Variants in CEP97 observed in about 807,000 individuals in gnomAD.
CEP97 encodes the protein centrosomal protein of 97 kDa.
CEP97 carries 43 observed loss-of-function variants against 73.1 expected under a neutral mutation model. That is an observed-to-expected ratio of 0.59 (90% CI 0.46 to 0.76). The LOEUF is 0.76. CEP97 is among the 30% of genes least tolerant of loss of function. The probability of loss-of-function intolerance (pLI) is 0.00; values close to 1 mark genes in which losing one functional copy is unlikely to be tolerated. For missense variants in CEP97, 939 were observed against 1,014.0 expected (o/e 0.93, Z 1.00); for synonymous variants, 337 against 370.0 (o/e 0.91, Z 1.02).
At chr3:101,756,737 GC>G (rs989684615) in intron 7 of CEP97, among the ~76,000 whole-genome samples, 27 of 152,024 alleles carry the variant, frequency 1.8e-4, no homozygotes, top group Admixed American at 5.2e-4. Flanking sequence ...AGGTATATCT[GC>G]CTTCAAAGGG....
At chr3:101,752,933 G>A (rs1236737700) in intron 6 of CEP97, among the ~76,000 whole-genome samples, 1 of 152,224 alleles carries the variant, frequency 6.6e-6, no homozygotes, top group Non-Finnish European at 1.5e-5. Context: ...TCCGTTGCTG[G>A]TGAGGAACTG....
At chr3:101,756,340 T>G (rs577045977) in intron 7 of CEP97, among the ~76,000 whole-genome samples, 38 of 147,930 alleles carry the variant, frequency 2.6e-4, no homozygotes, top group Admixed American at 7.4e-4. Flanking sequence ...ATTACAGTCA[T>G]GAGCTACTGC....
Position 101,731,926 on chromosome 3 carries a change from A to C in CEP97, c.534A>C (p.Ala178=), listed in dbSNP as rs139940133. ...GAAGTCTTGCTATACTTTCTTTGGCAGAAAATGAAATCCGAGACTTAAATG... is the reference window on the plus strand; with the variant it reads ...GAAGTCTTGCTATACTTTCTTTGGCCGAAAATGAAATCCGAGACTTAAATG... ...LPRSLAILSL[A]ENEIRDLNEI... Residue 178 remains alanine, a synonymous_variant, in exon 5 of 11, where the codon GCA becomes GCC. Transcript: ENST00000341893. 115 of 1,605,216 alleles carry C rather than the reference A, an allele frequency of 7.2e-5. No homozygotes were observed. Among genetic ancestry groups the C allele is most frequent in the Admixed American group, 3.3e-5 (2 of 59,934 alleles).
At chr3:101,727,767 A>T (rs1937948831) in intron 3 of CEP97, among the ~76,000 whole-genome samples, 1 of 152,224 alleles carries the variant, frequency 6.6e-6, no homozygotes, top group South Asian at 2.1e-4. Flanking sequence ...AAGTAGATCA[A>T]ACCATAGAGT....
intron 6 of CEP97, among the ~76,000 whole-genome samples, chr3:101,740,605 T>C (rs932933121): frequency 2.8e-4 from 43 of 152,174 alleles, no homozygotes; most frequent in Non-Finnish European, 5.3e-4. Context: ...TTTTTTTTTT[T>C]TGAGACGGAG....
chr3:101,762,464 A>G, intron 9 of CEP97, 21 bp from the exon 10 acceptor site: 1 of 1,522,714 alleles, frequency 6.6e-7, no homozygotes, highest in Non-Finnish European at 9.1e-7. Flanking sequence ...TATGTCAATA[A>G]TGTGTTTTGA....
Position 101,765,014 on chromosome 3 carries a change from T to C in CEP97, c.2061T>C (p.Asp687=), listed in dbSNP as rs774922188. ...DQNADWFIAS[D]VAPQEKSLPE... is the part of the protein sequence containing the mutation. ...ATGCTGATTGGTTTATTGCTTCTGA[T>C]GTAGCTCCTCAAGAGAAATCATTAC... The change falls in exon 11 of 11, where the codon GAT becomes GAC. Residue 687 remains aspartate, a synonymous_variant. Transcript: ENST00000341893. The C allele has an allele frequency of 9.3e-6, 15 of 1,614,076 alleles. No individual in the cohort carries two copies. In the East Asian group the frequency reaches 3.1e-4, roughly 34 times the overall value.
rs964689592 is a variant in CEP97 at position 101,769,290 on chromosome 3, C to T, written c.*3739C>T. On this transcript the variant is annotated 3_prime_UTR_variant, in exon 11 of 11. Coordinates refer to ENST00000341893, the MANE Select transcript of CEP97 (RefSeq NM_024548.4). ...AAATAGAATGAATATGATCATTTCT[C>T]CATCATAAAGGAAAGAAGAGACTTC... is the stretch of plus-strand genomic sequence containing the variant. 1.3e-5 allele frequency: 2 copies of T among 151,060 alleles called. No individual in the cohort carries two copies. Among genetic ancestry groups the T allele is most frequent in the East Asian group, 3.9e-4 (2 of 5,186 alleles). 9.4% of individuals were successfully genotyped at this position (151,060 alleles called of 1,614,324 possible).
chr3:101,738,011 C>CAAAAAAAAAAAAAAA (rs770745532), intron 6 of CEP97, among the ~76,000 whole-genome samples: 58 of 44,220 alleles, frequency 1.3e-3, no homozygotes, highest in Admixed American at 1.6e-3. Flanking sequence ...AAATGGAAAG[C>CAAAAAAAAAAAAAAA]AAAAAAAAAA....
chr3:101,753,803 T>C (rs1409530582), intron 6 of CEP97, among the ~76,000 whole-genome samples: 1 of 152,218 alleles, frequency 6.6e-6, no homozygotes, highest in African/African-American at 2.4e-5. Context: ...AGGTGCCATC[T>C]GTCACCCCTT....
intron 6 of CEP97, among the ~76,000 whole-genome samples, chr3:101,747,894 A>G (rs1313489274): frequency 6.6e-6 from 1 of 151,782 alleles, no homozygotes; most frequent in African/African-American, 2.4e-5. Flanking sequence ...AGGTCAACAC[A>G]GGAGGATCAC....
chr3:101,752,839 A>G (rs563878713), intron 6 of CEP97, among the ~76,000 whole-genome samples: 1 of 152,140 alleles, frequency 6.6e-6, no homozygotes, highest in African/African-American at 2.4e-5. Flanking sequence ...TTTGGTTTCA[A>G]TTTCCTCCTG....
rs1439782061 is a variant in CEP97, at chr3:101,769,094, A to G, written c.*3543A>G. 1 of 152,102 alleles carries G rather than the reference A, an allele frequency of 6.6e-6. No individual in the cohort carries two copies. The highest frequency in any genetic ancestry group is 1.5e-5 in the Non-Finnish European group (1 of 68,026). 9.4% of individuals were successfully genotyped at this position (152,102 alleles called of 1,614,324 possible). A position where few individuals can be genotyped will look rare whatever the true frequency, so the allele number is the denominator to read the frequency against. On this transcript the variant is annotated 3_prime_UTR_variant, in exon 11 of 11. Coordinates refer to ENST00000341893, the MANE Select transcript of CEP97 (RefSeq NM_024548.4). ...ATAATACTGTATTTTCCTGTTATCT[A>G]CTTAAGTCTAGTTCTACTTTTTCCC...
intron 6 of CEP97, among the ~76,000 whole-genome samples, chr3:101,734,186 C>G (rs1222921078): frequency 3.9e-5 from 6 of 152,150 alleles, no homozygotes; most frequent in Non-Finnish European, 5.9e-5. Context: ...ACCTGTAAAT[C>G]ATTAATAGTT....
chr3:101,731,192 CTTTTT>C (rs35988030), intron 4 of CEP97, among the ~76,000 whole-genome samples: 1 of 123,262 alleles, frequency 8.1e-6, no homozygotes. Context: ...GTTTTAATGA[CTTTTT>C]TTTTTTTTTT....
intron 6 of CEP97, among the ~76,000 whole-genome samples, chr3:101,735,992 A>G (rs943148390): frequency 6.6e-6 from 1 of 152,148 alleles, no homozygotes; most frequent in Non-Finnish European, 1.5e-5. Flanking sequence ...TCGACCTGGG[A>G]TGCTCGAGCT....
intron 6 of CEP97, among the ~76,000 whole-genome samples, chr3:101,747,258 C>CTTT (rs35085560): frequency 2.3e-5 from 3 of 129,750 alleles, no homozygotes; most frequent in South Asian, 2.4e-4. Flanking sequence ...TTCAGAACTC[C>CTTT]TTTTTTTTTT....
intron 6 of CEP97, among the ~76,000 whole-genome samples, chr3:101,748,327 T>G (rs980212176): frequency 5.9e-5 from 9 of 152,006 alleles, no homozygotes; most frequent in African/African-American, 2.2e-4. Flanking sequence ...AATCAGATCT[T>G]ATAGCAGTTG....
At chr3:101,743,792 C>T (rs1040255185) in intron 6 of CEP97, among the ~76,000 whole-genome samples, 2 of 152,050 alleles carry the variant, frequency 1.3e-5, no homozygotes, top group African/African-American at 4.8e-5. Context: ...TCACTGAGGT[C>T]GGGAGTTTGA....
Sources: gnomAD v4.1 joint callset for allele counts (sites outside exome capture counted in the v4.1 genomes callset) on GRCh38, gnomAD v4.1.1 for gene constraint, MANE v1.5 for transcripts, NCBI Gene and HGNC (gene_info 2026-07-23, HGNC 2026-07-21) for gene names.